GALNT7: variants seen among roughly 807,000 people sequenced by gnomAD.
The protein encoded by GALNT7 is polypeptide N-acetylgalactosaminyltransferase 7, also known as N-acetylgalactosaminyltransferase 7.
A neutral mutation model predicts 82.1 loss-of-function variants in GALNT7; 60 were observed. That is an observed-to-expected ratio of 0.73 (90% CI 0.59 to 0.91). The LOEUF is 0.91. GALNT7 is among the 40% of genes least tolerant of loss of function. The pLI is 0.00. For synonymous variants in GALNT7, 243 were observed against 275.1 expected (o/e 0.88, Z 1.15); for missense variants, 660 against 804.2 (o/e 0.82, Z 2.17).
rs192179651 is a variant in GALNT7 at position 173,189,724 on chromosome 4, T to G, written c.126+20763T>G. Among the ~76,000 whole-genome samples, 86 of 152,396 alleles carry G rather than the reference T, an allele frequency of 5.6e-4. 1 individual carries two copies. The South Asian group carries it at 6.8e-3, about 12-fold the overall frequency. On this transcript the variant is annotated intron_variant, in intron 1 of 11. Coordinates refer to ENST00000265000, the MANE Select transcript of GALNT7 (RefSeq NM_017423.3). ...TTCTTCCCTTGCTCCGAGGGAATTC[T>G]GTGTACAAAATTAACATTATCTATC... is the stretch of plus-strand genomic sequence containing the variant.
chr4:173,293,807 A>G (rs2126832085), intron 3 of GALNT7, among the ~76,000 whole-genome samples: 1 of 152,326 alleles, frequency 6.6e-6, no homozygotes, highest in South Asian at 2.1e-4. Context: ...TCCTCACCAC[A>G]GGACCCAGGC....
chr4:173,221,392 G>T (rs2126689620), intron 1 of GALNT7, among the ~76,000 whole-genome samples: 1 of 152,262 alleles, frequency 6.6e-6, no homozygotes, highest in African/African-American at 2.4e-5. Context: ...TCTAGCCTAG[G>T]AATAAAAGTC....
Position 173,300,008 on chromosome 4 carries a change from A to G in GALNT7, c.1148+1711A>G, listed in dbSNP as rs574497800. On this transcript the variant is annotated intron_variant, in intron 6 of 11. Transcript: ENST00000265000. ...GAGAGAACAACTTTTTTCTGATGCTATTTTCTTCTAGTATTGAAAATATTT... is the reference window on the plus strand; with the variant it reads ...GAGAGAACAACTTTTTTCTGATGCTGTTTTCTTCTAGTATTGAAAATATTT... Among the ~76,000 whole-genome samples the G allele has an allele frequency of 1.3e-4, 20 of 152,244 alleles. No individual in the cohort carries two copies. The East Asian group carries it at 2.3e-3, about 18-fold the overall frequency.
At chr4:173,268,491 A>G (rs984354085) in intron 2 of GALNT7, among the ~76,000 whole-genome samples, 1 of 147,328 alleles carries the variant, frequency 6.8e-6, no homozygotes, top group Non-Finnish European at 1.5e-5. Context: ...AATCTGTGGC[A>G]CCAAACAAAC....
chr4:173,313,098 C>A (rs767540247), intron 8 of GALNT7, among the ~76,000 whole-genome samples: 10 of 152,016 alleles, frequency 6.6e-5, no homozygotes, highest in African/African-American at 9.7e-5. Flanking sequence ...AAGGAACCAA[C>A]TGGGGAAAAT....
chr4:173,232,018 G>T (rs975898130), intron 1 of GALNT7, among the ~76,000 whole-genome samples: 2 of 152,130 alleles, frequency 1.3e-5, no homozygotes, highest in South Asian at 4.1e-4. Context: ...AGCAGATGGT[G>T]GGGGCTGAGT....
intron 8 of GALNT7, among the ~76,000 whole-genome samples, chr4:173,313,651 T>G (rs1199654237): frequency 6.6e-6 from 1 of 151,302 alleles, no homozygotes; most frequent in African/African-American, 2.4e-5. Flanking sequence ...TCTCATAAAC[T>G]CTCTCTGAGA....
intron 2 of GALNT7, among the ~76,000 whole-genome samples, chr4:173,272,666 A>G (rs1190393998): frequency 6.6e-6 from 1 of 152,214 alleles, no homozygotes; most frequent in Non-Finnish European, 1.5e-5. Context: ...CTACCGCAAT[A>G]ATTTTTTGAA....
chr4:173,240,653 G>A (rs530248253), intron 1 of GALNT7, among the ~76,000 whole-genome samples: 1 of 152,276 alleles, frequency 6.6e-6, no homozygotes, highest in East Asian at 1.9e-4. Context: ...ATAGGCATGA[G>A]CCACCGTGCC....
At chr4:173,294,746 T>A (rs953668758) in intron 3 of GALNT7, among the ~76,000 whole-genome samples, 2 of 152,192 alleles carry the variant, frequency 1.3e-5, no homozygotes, top group Non-Finnish European at 2.9e-5. Context: ...AACACAAAAC[T>A]TCCTCTACTA....
intron 1 of GALNT7, among the ~76,000 whole-genome samples, chr4:173,177,998 T>C (rs28709762): frequency 0.7 from 104,655 of 149,212 alleles, 36,969 homozygotes; most frequent in East Asian, 0.76. Context: ...CCTCTCCCTA[T>C]CCGCAAGTCT....
At chr4:173,169,085 G>T (rs1731744381) in intron 1 of GALNT7, 124 bp downstream of exon 1, 5 of 877,466 alleles carry the variant, frequency 5.7e-6, no homozygotes, top group Non-Finnish European at 8.0e-6. Context: ...TCCGCAGGTG[G>T]TGCTGGCGCA....
intron 2 of GALNT7, among the ~76,000 whole-genome samples, chr4:173,265,587 ATCTCTCTC>A (rs59676800): frequency 0.029 from 3,425 of 117,938 alleles, 108 homozygotes; most frequent in African/African-American, 0.079. Flanking sequence ...TGGCGTAAGC[ATCTCTCTC>A]TCTCTCTCTC....
At chr4:173,288,530 T>G (rs1179704165) in intron 2 of GALNT7, among the ~76,000 whole-genome samples, 1 of 152,058 alleles carries the variant, frequency 6.6e-6, no homozygotes, top group Non-Finnish European at 1.5e-5. Context: ...GTAAAAACTC[T>G]GACTCCATCT....
chr4:173,296,852 G>T (rs1204807247), intron 5 of GALNT7, among the ~76,000 whole-genome samples: 1 of 152,120 alleles, frequency 6.6e-6, no homozygotes, highest in East Asian at 1.9e-4. Context: ...ATCTGACAAT[G>T]ACCCTCCAGT....
At chr4:173,245,129 T>A (rs1365946408) in intron 1 of GALNT7, among the ~76,000 whole-genome samples, 1 of 148,534 alleles carries the variant, frequency 6.7e-6, no homozygotes, top group African/African-American at 2.5e-5. Flanking sequence ...TGAAATAACC[T>A]AGAATGAGGA....
intron 1 of GALNT7, among the ~76,000 whole-genome samples, chr4:173,198,433 C>T (rs932280812): frequency 6.6e-6 from 1 of 152,068 alleles, no homozygotes; most frequent in African/African-American, 2.4e-5. Context: ...TGTCAACAGC[C>T]TCTCATATAG....
At chr4:173,182,738 T>C (rs537882420) in intron 1 of GALNT7, among the ~76,000 whole-genome samples, 12 of 115,786 alleles carry the variant, frequency 1.0e-4, no homozygotes, top group Admixed American at 9.0e-4. Context: ...TTACTCTTAA[T>C]ACACACACAC....
At chr4:173,234,189 A>G (rs1734134482) in intron 1 of GALNT7, among the ~76,000 whole-genome samples, 1 of 152,130 alleles carries the variant, frequency 6.6e-6, no homozygotes, top group South Asian at 2.1e-4. Context: ...TGTCTCTTCT[A>G]TAGTCTCACC....
Sources: gnomAD v4.1 joint callset for allele counts (sites outside exome capture counted in the v4.1 genomes callset) on GRCh38, gnomAD v4.1.1 for gene constraint, MANE v1.5 for transcripts, NCBI Gene and HGNC (gene_info 2026-07-23, HGNC 2026-07-21) for gene names.